Variants in SPTBN5 observed in about 807,000 individuals in gnomAD.
SPTBN5 encodes the protein spectrin beta, non-erythrocytic 5.
In SPTBN5, 513 loss-of-function variants were observed where a neutral mutation model predicts 477.6. That is an observed-to-expected ratio of 1.07 (90% CI 1.00 to 1.16). The LOEUF (loss-of-function observed/expected upper bound fraction) is 1.16, where lower values mean the gene tolerates loss of function less well. Ranked by LOEUF, SPTBN5 falls within the 50% of genes most tolerant of loss-of-function variation. The probability of loss-of-function intolerance (pLI) is 0.00; values close to 1 mark genes in which losing one functional copy is unlikely to be tolerated. For missense variants in SPTBN5, 5,062 were observed against 4,731.8 expected (o/e 1.07, Z -2.05); for synonymous variants, 2,169 against 2,011.7 (o/e 1.08, Z -2.09).
chr15:41,893,800 G>A (rs984453637), intron 1 of SPTBN5, 99 bp downstream of exon 1: 8 of 496,920 alleles, frequency 1.6e-5, no homozygotes, highest in Admixed American at 3.4e-5. Flanking sequence ...TGGGACAGGT[G>A]GAAGGAAGAC....
intron 3 of SPTBN5, among the ~76,000 whole-genome samples, chr15:41,891,643 G>A (rs915707088): frequency 1.3e-5 from 2 of 152,156 alleles, no homozygotes; most frequent in Non-Finnish European, 2.9e-5. Context: ...CCAGCACACC[G>A]CTGATCTGGG....
At position 41,877,193 on chromosome 15, in the gene SPTBN5, T is replaced by C; in HGVS notation, c.3634A>G (p.Lys1212Glu). ...QWLQEGLELQ[K>E]FGREVDGFTA... ...AAACCATCCACTTCTCGGCCAAACTTCTGCAGCTCCAGCCCCTCTTGCAGC... is the reference window on the plus strand; with the variant it reads ...AAACCATCCACTTCTCGGCCAAACTCCTGCAGCTCCAGCCCCTCTTGCAGC... The change falls in exon 18 of 68, where the codon AAG becomes GAG. Residue 1212 changes from lysine to glutamate, a missense_variant. Physicochemically the swap from Lys to Glu is moderately conservative, Grantham distance 56. Coordinates refer to ENST00000320955, the MANE Select transcript of SPTBN5 (RefSeq NM_016642.4). 6.2e-7 allele frequency: 1 copy of C among 1,613,966 alleles called. No homozygotes were observed.
Position 41,874,451 on chromosome 15 carries a change from G to A in SPTBN5, c.4530C>T (p.Ala1510=), listed in dbSNP as rs368166069. 1.9e-5 allele frequency: 31 copies of A among 1,611,270 alleles called. No homozygotes were observed. Among genetic ancestry groups the A allele is most frequent in the Non-Finnish European group, 2.3e-5 (27 of 1,179,174 alleles). Reference sequence around the variant, plus strand: ...AGGCCTGCAGCTGCAGGCCCCGGATGGCCAGATGCCCCTGCAGAAGCTCCA... The same window carrying A: ...AGGCCTGCAGCTGCAGGCCCCGGATAGCCAGATGCCCCTGCAGAAGCTCCA... The part of the protein sequence containing the change: ...RRLELLQGHL[A]IRGLQLQASV... The change falls in exon 24 of 68, where the codon GCC becomes GCT. Residue 1510 remains alanine, a synonymous_variant. Transcript: ENST00000320955.
intron 58 of SPTBN5, 22 bp from the exon 59 acceptor site, chr15:41,853,469 T>G: frequency 6.4e-7 from 1 of 1,554,064 alleles, no homozygotes. Context: ...GGAAGGGAGC[T>G]GTTGTCAGGG....
chr15:41,876,391 G>A, intron 20 of SPTBN5, 107 bp from the exon 21 acceptor site: 2 of 1,423,196 alleles, frequency 1.4e-6, no homozygotes, highest in South Asian at 1.4e-5. Flanking sequence ...TTCCTCCTCA[G>A]GAAAAACCTG....
chr15:41,855,911 C>T (rs1296414732), intron 53 of SPTBN5, among the ~76,000 whole-genome samples, 166 bp from the exon 54 acceptor site: 3 of 152,252 alleles, frequency 2.0e-5, no homozygotes, highest in Admixed American at 2.0e-4. Flanking sequence ...GGAACACAGC[C>T]AGAGCGGCAG....
chr15:41,855,717 T>C lies in SPTBN5; in HGVS notation c.9050A>G (p.Glu3017Gly), dbSNP rs1419682788. The C allele has an allele frequency of 6.3e-7, 1 of 1,589,976 alleles. No homozygotes were observed. The highest frequency in any genetic ancestry group is 8.6e-7 in the Non-Finnish European group (1 of 1,168,818). Residue 3017 changes from glutamate to glycine, a missense_variant, in exon 54 of 68, where the codon GAG becomes GGG. Glu to Gly is a moderately conservative substitution (Grantham distance 98). Coordinates refer to ENST00000320955, the MANE Select transcript of SPTBN5 (RefSeq NM_016642.4). ...ELLEAGSWLA[E>G]RGHVLDSEDM... is the part of the protein sequence containing the mutation. ...CTCGCTGTCCAGGACATGGCCCCGC[T>C]CAGCCAGCCAGGATCCCGCCTCCAG... is the stretch of plus-strand genomic sequence containing the variant.
Position 41,878,636 on chromosome 15 carries a change from G to T in SPTBN5, c.3183-7C>A. On this transcript the variant is annotated splice_region_variant and splice_polypyrimidine_tract_variant and intron_variant, in intron 16 of 67. Transcript: ENST00000320955. ...GTAGCCTGGCTCCTCGACCCTGGGA[G>T]ACAGGGTGCGCTGCACAGTCAGTGC... 1 of 1,607,456 alleles carries T rather than the reference G, an allele frequency of 6.2e-7. No individual in the cohort carries two copies.
At position 41,866,420 on chromosome 15, in the gene SPTBN5, A is replaced by C. The variant is rs532595595; in HGVS notation, c.6554T>G (p.Leu2185Arg). 4 of 1,611,618 alleles carry C rather than the reference A, an allele frequency of 2.5e-6. No homozygotes were observed. The African/African-American group carries it at 5.3e-5, about 21-fold the overall frequency. Residue 2185 changes from leucine to arginine, a missense_variant, in exon 37 of 68, where the codon CTG (leucine) becomes CGG (arginine). Transcript: ENST00000320955. ...GGCCTGGTGTTTCAGCAGGGGCTTC[A>C]GCTTATCTCTCAGGTCCCCAGGAGG... Reference protein sequence around the residue: ...PVPPGDLRDKLKPLLKHQAFE... With the variant: ...PVPPGDLRDKRKPLLKHQAFE...
Position 41,854,851 on chromosome 15 carries a change from G to C in SPTBN5, c.9549C>G (p.Ile3183Met). 6.2e-7 allele frequency: 1 copy of C among 1,608,600 alleles called. No homozygotes were observed. The highest frequency in any genetic ancestry group is 8.5e-7 in the Non-Finnish European group (1 of 1,177,324). The change falls in exon 56 of 68, where the codon ATC becomes ATG. Residue 3183 changes from isoleucine to methionine, a missense_variant. By Grantham distance (10) the Ile-to-Met change is conservative. Coordinates refer to ENST00000320955, the MANE Select transcript of SPTBN5 (RefSeq NM_016642.4). The part of the protein sequence containing the change: ...ERGAPRRYPH[I>M]QAQRSRIEAA... ...CCTCAATGCGGCTCCTCTGGGCTTGGATGTGGGGATAGCGCCTGGGTGCAC... is the reference window on the plus strand; with the variant it reads ...CCTCAATGCGGCTCCTCTGGGCTTGCATGTGGGGATAGCGCCTGGGTGCAC...
In SPTBN5 at chr15:41,862,957, T is replaced by C. The variant is rs200428298; in HGVS notation, c.7150-54A>G. The stretch of plus-strand genomic sequence containing the variant: ...CTGGGCCTTTGCTTCGGCTCCTCCT[T>C]CCTGGCAAAGGGCCCAACCAGTGGC... On this transcript the variant is annotated intron_variant, in intron 41 of 67. Coordinates refer to ENST00000320955, the MANE Select transcript of SPTBN5 (RefSeq NM_016642.4). The C allele has an allele frequency of 3.3e-5, 50 of 1,507,824 alleles. 1 individual carries two copies. In the East Asian group the frequency reaches 1.2e-3, roughly 36 times the overall value. The allele number at this position is 1,507,824 out of a possible 1,614,324, so 93.4% of individuals were successfully genotyped here. A position where few individuals can be genotyped will look rare whatever the true frequency, so the allele number is the denominator to read the frequency against.
chr15:41,878,187 A>G (rs2066811428), intron 17 of SPTBN5, among the ~76,000 whole-genome samples, 155 bp downstream of exon 17: 1 of 152,138 alleles, frequency 6.6e-6, no homozygotes, highest in Admixed American at 6.5e-5. Context: ...TCCTCTGTGT[A>G]AACTTGCCTC....
At position 41,862,123 on chromosome 15, in the gene SPTBN5, C is replaced by A; in HGVS notation, c.7548+7G>T. 6.4e-7 allele frequency: 1 copy of A among 1,557,900 alleles called. No homozygotes were observed. The highest frequency in any genetic ancestry group is 1.2e-5 in the South Asian group (1 of 84,330). Reference sequence around the variant, plus strand: ...CTGGGAAAGGCTTGGGCCAGCTGCCCATTCACCTTGCACTCCTGATGCTCT... The same window carrying A: ...CTGGGAAAGGCTTGGGCCAGCTGCCAATTCACCTTGCACTCCTGATGCTCT... On this transcript the variant is annotated splice_region_variant and intron_variant, in intron 44 of 67. Coordinates refer to ENST00000320955, the MANE Select transcript of SPTBN5 (RefSeq NM_016642.4).
At position 41,868,126 on chromosome 15, in the gene SPTBN5, C is replaced by G. The variant is rs770644576; in HGVS notation, c.6150G>C (p.Gln2050His). 2.5e-6 allele frequency: 4 copies of G among 1,598,676 alleles called. No homozygotes were observed. The highest frequency in any genetic ancestry group is 3.4e-6 in the Non-Finnish European group (4 of 1,174,150). Residue 2050 changes from glutamine (Q) to histidine (H), a missense_variant, in exon 34 of 68, where the codon CAG (glutamine) becomes CAC (histidine). Physicochemically the swap from Gln to His is conservative, Grantham distance 24 (BLOSUM62 0). Transcript: ENST00000320955. The stretch of plus-strand genomic sequence containing the variant: ...CGCACTCTCTGAGGAAGAGCTGCTC[C>G]TGCTGCTCGGCCTGCAGCCTCTCTT... ...RKQERLQAEQ[Q>H]EQLFLRECGR... is the part of the protein sequence containing the mutation.
At chr15:41,882,225 T>G in intron 11 of SPTBN5, 44 bp downstream of exon 11, 35 of 686,168 alleles carry the variant, frequency 5.1e-5, no homozygotes, top group Non-Finnish European at 6.5e-5. Flanking sequence ...CACCCCCGCC[T>G]CGCCGGGCCC....
rs780540649 is a variant in SPTBN5, at chr15:41,854,245, C to T, written c.9619-40G>A. 8 of 1,560,682 alleles carry T rather than the reference C, an allele frequency of 5.1e-6. No individual in the cohort carries two copies. The Admixed American group carries it at 1.5e-4, about 30-fold the overall frequency. On this transcript the variant is annotated intron_variant, in intron 56 of 67. Coordinates refer to ENST00000320955, the MANE Select transcript of SPTBN5 (RefSeq NM_016642.4). ...AGGACCTGCTCAGGGCTGTTCTCTG[C>T]TCCCAGGATTCCTTTCTCCCTGGAG...
intron 42 of SPTBN5, 55 bp downstream of exon 42, chr15:41,862,735 C>T: frequency 6.5e-7 from 1 of 1,543,842 alleles, no homozygotes. Flanking sequence ...CCCACTTGTG[C>T]CCAGGGTCCT....
rs8024419 is a variant in SPTBN5 at position 41,871,925 on chromosome 15, A to G, written c.5166-8T>C. On this transcript the variant is annotated splice_region_variant and splice_polypyrimidine_tract_variant and intron_variant, in intron 27 of 67. Coordinates refer to ENST00000320955, the MANE Select transcript of SPTBN5 (RefSeq NM_016642.4). ...CCCTCCAGTTCCCGGTCCCTGTGGTAACAGTCCGTGGTTCCCCAGAAGTGA... is the reference window on the plus strand; with the variant it reads ...CCCTCCAGTTCCCGGTCCCTGTGGTGACAGTCCGTGGTTCCCCAGAAGTGA... The G allele has an allele frequency of 4.6e-3, 7,184 of 1,560,458 alleles. 292 individuals carry two copies. The African/African-American group carries it at 0.088, about 19-fold the overall frequency.
In SPTBN5 at chr15:41,882,099, C is replaced by G. The variant is rs755414995; in HGVS notation, c.2294G>C (p.Arg765Pro). 2.6e-5 allele frequency: 41 copies of G among 1,573,416 alleles called. No individual in the cohort carries two copies. The highest frequency in any genetic ancestry group is 5.2e-5 in the Admixed American group (3 of 58,234). ...GCAGGACGCTCTCTCCAGCGAGGAT[C>G]GCCGCTCGCGCAGCCACGAAGCCGC... Reference protein sequence around the residue: ...AEAASWLRERRSSLERASCGQ... With the variant: ...AEAASWLRERPSSLERASCGQ... Residue 765 changes from arginine (R) to proline (P), a missense_variant, in exon 12 of 68, where the codon CGA (arginine) becomes CCA (proline). Arg to Pro is a moderately radical substitution (Grantham distance 103). Transcript: ENST00000320955.
Sources: allele counts gnomAD v4.1 joint callset (sites outside exome capture counted in the v4.1 genomes callset), GRCh38; gene constraint gnomAD v4.1.1; transcripts MANE v1.5; gene names NCBI Gene and HGNC (gene_info 2026-07-23, HGNC 2026-07-21).